Variants in ARMC2 observed in about 807,000 individuals in gnomAD.
ARMC2 encodes armadillo repeat containing 2.
In ARMC2, 67 loss-of-function variants were observed where a neutral mutation model predicts 90.3. The ratio of observed to expected loss-of-function variants is 0.74; its 90% CI spans 0.61 to 0.91. The LOEUF (loss-of-function observed/expected upper bound fraction) is 0.91, where lower values mean the gene tolerates loss of function less well. ARMC2 is among the 40% of genes least tolerant of loss of function. The pLI is 0.00. For missense variants in ARMC2, 920 were observed against 1,030.9 expected (o/e 0.89, Z 1.47); for synonymous variants, 393 against 393.0 (o/e 1.00, Z 0.00).
intron 8 of ARMC2, among the ~76,000 whole-genome samples, chr6:108,908,138 TG>T (rs35329057): frequency 0.18 from 27,279 of 151,672 alleles, 2,555 homozygotes; most frequent in Middle Eastern, 0.22. Context: ...TCGGTAGTGC[TG>T]GGGGGGGCCT....
At chr6:108,907,540 G>A (rs946173493) in intron 8 of ARMC2, 21 of 1,211,818 alleles carry the variant, frequency 1.7e-5, no homozygotes, top group Admixed American at 2.3e-5. Flanking sequence ...AGCAACGATC[G>A]AGATTGTGTT....
At chr6:109,049,612 T>C in the ARMC2 span, among the ~76,000 whole-genome samples, 4 of 151,998 alleles carry the variant, frequency 2.6e-5, no homozygotes, top group Non-Finnish European at 5.9e-5. Flanking sequence ...CACATTGTAA[T>C]TGAAACACTA....
At chr6:108,885,435 G>A (rs895474125) in intron 5 of ARMC2, among the ~76,000 whole-genome samples, 5 of 151,918 alleles carry the variant, frequency 3.3e-5, no homozygotes, top group African/African-American at 7.3e-5. Context: ...GGCTGGACAC[G>A]GTAACTCACA....
At chr6:108,959,779 G>A (rs540446144) in intron 13 of ARMC2, among the ~76,000 whole-genome samples, 9 of 151,942 alleles carry the variant, frequency 5.9e-5, no homozygotes, top group Admixed American at 2.0e-4. Context: ...TCTGCCTCCC[G>A]GGTTCAAGCA....
the ARMC2 span, chr6:109,009,523 C>T: frequency 3.4e-6 from 4 of 1,187,068 alleles, no homozygotes; most frequent in African/African-American, 6.4e-5. Context: ...GGCCGCGGCT[C>T]CTGGCTGCAG....
At chr6:108,992,014 T>C in the ARMC2 span, among the ~76,000 whole-genome samples, 1 of 152,222 alleles carries the variant, frequency 6.6e-6, no homozygotes, top group Non-Finnish European at 1.5e-5. Context: ...CCATAAAAAA[T>C]TTCCAGCCCA....
At chr6:108,954,157 A>G (rs900788999) in intron 13 of ARMC2, among the ~76,000 whole-genome samples, 13 of 152,148 alleles carry the variant, frequency 8.5e-5, no homozygotes, top group Admixed American at 7.9e-4. Flanking sequence ...GTATCTCTTC[A>G]AAGTCTTATC....
At chr6:108,921,018 T>C (rs1562390848) in intron 10 of ARMC2, among the ~76,000 whole-genome samples, 1 of 152,230 alleles carries the variant, frequency 6.6e-6, no homozygotes, top group Non-Finnish European at 1.5e-5. Flanking sequence ...CTCTGTCTGC[T>C]CAGCCTCCTC....
intron 12 of ARMC2, among the ~76,000 whole-genome samples, chr6:108,938,600 T>G (rs900559375): frequency 1.4e-3 from 17 of 12,168 alleles, no homozygotes; most frequent in Admixed American, 5.1e-3. Flanking sequence ...CATTACTACC[T>G]TTTTTTTTTT....
At position 108,867,407 on chromosome 6, in the gene ARMC2, G is replaced by A. The variant is rs559788732; in HGVS notation, c.292-1417G>A. Among the ~76,000 whole-genome samples the A allele has an allele frequency of 3.8e-4, 58 of 152,156 alleles. 1 individual carries two copies. Among genetic ancestry groups the A allele is most frequent in the Admixed American group, 2.8e-3 (43 of 15,274 alleles). ...TTCCTCTACTAAGAGTATCAGCATC[G>A]ACACTTAAGAAAAGATGGGGGAAAA... is the stretch of plus-strand genomic sequence containing the variant. On this transcript the variant is annotated intron_variant, in intron 3 of 17. Coordinates refer to ENST00000392644, the MANE Select transcript of ARMC2 (RefSeq NM_032131.6).
the ARMC2 span, among the ~76,000 whole-genome samples, chr6:108,983,299 T>G: frequency 6.6e-6 from 1 of 152,228 alleles, no homozygotes; most frequent in Non-Finnish European, 1.5e-5. Flanking sequence ...CCAATGGTCT[T>G]TTTTTCTTTT....
At chr6:108,919,740 CACCTCA>C (rs1490264834) in intron 10 of ARMC2, among the ~76,000 whole-genome samples, 2 of 152,130 alleles carry the variant, frequency 1.3e-5, no homozygotes, top group East Asian at 3.8e-4. Context: ...AGGTTTCTGT[CACCTCA>C]GAAATTTCCT....
chr6:109,005,854 T>G, the ARMC2 span, among the ~76,000 whole-genome samples: 2 of 152,352 alleles, frequency 1.3e-5, no homozygotes, highest in East Asian at 1.9e-4. Context: ...GTGAGTCTTT[T>G]GTTATAGATT....
intron 3 of ARMC2, among the ~76,000 whole-genome samples, chr6:108,862,984 C>A (rs961962663): frequency 6.6e-6 from 1 of 152,174 alleles, no homozygotes; most frequent in Non-Finnish European, 1.5e-5. Context: ...CACCCTCCAG[C>A]GGGCAATGGG....
chr6:108,861,161 C>G (rs767242604), intron 3 of ARMC2, among the ~76,000 whole-genome samples: 2 of 152,224 alleles, frequency 1.3e-5, no homozygotes, highest in Non-Finnish European at 1.5e-5. Context: ...CACTCCTTCC[C>G]TTCTACCTCT....
At chr6:108,907,916 C>T (rs1473183967) in intron 8 of ARMC2, 2 of 1,540,912 alleles carry the variant, frequency 1.3e-6, no homozygotes, top group Middle Eastern at 2.3e-4. Context: ...TTTCTTAAGC[C>T]CGCTTATTTT....
At chr6:108,968,423 T>C (rs918938976) in intron 17 of ARMC2, among the ~76,000 whole-genome samples, 1 of 152,270 alleles carries the variant, frequency 6.6e-6, no homozygotes, top group South Asian at 2.1e-4. Context: ...TAACAGCAAA[T>C]AAACACAGCT....
intron 12 of ARMC2, among the ~76,000 whole-genome samples, chr6:108,952,250 G>T (rs1777245666): frequency 6.6e-6 from 1 of 152,116 alleles, no homozygotes; most frequent in Non-Finnish European, 1.5e-5. Flanking sequence ...AGTGATTTTT[G>T]TATCTTGTTT....
intron 4 of ARMC2, among the ~76,000 whole-genome samples, chr6:108,874,259 G>A (rs1034990053): frequency 6.6e-6 from 1 of 152,202 alleles, no homozygotes; most frequent in African/African-American, 2.4e-5. Context: ...GACAGGTATA[G>A]CTCCTTGACC....
Sources: allele counts gnomAD v4.1 joint callset (sites outside exome capture counted in the v4.1 genomes callset), GRCh38; gene constraint gnomAD v4.1.1; transcripts MANE v1.5; gene names NCBI Gene and HGNC (gene_info 2026-07-23, HGNC 2026-07-21).